The following PAH variants were observed in gnomAD, a reference collection of about 807,000 sequenced individuals.
PAH encodes the protein phenylalanine-4-hydroxylase.
Under a neutral mutation model 62.0 loss-of-function variants are expected in PAH, and 64 were observed. That is an observed-to-expected ratio of 1.03 (90% CI 0.84 to 1.27). The LOEUF (loss-of-function observed/expected upper bound fraction) is 1.27. Ranked by LOEUF, PAH falls within the 50% of genes most tolerant of loss-of-function variation. PAH has a pLI of 0.00. For synonymous variants in PAH, 195 were observed against 196.2 expected (o/e 0.99, Z 0.05); for missense variants, 579 against 542.8 (o/e 1.07, Z -0.66).
chr12:102,849,280 T>C (rs982443741), intron 8 of PAH, among the ~76,000 whole-genome samples: 2 of 152,132 alleles, frequency 1.3e-5, no homozygotes, highest in African/African-American at 2.4e-5. Context: ...GAACTGATAA[T>C]AGAAAAAGCT....
intron 4 of PAH, among the ~76,000 whole-genome samples, chr12:102,873,383 G>T (rs1876436718): frequency 6.6e-6 from 1 of 152,188 alleles, no homozygotes; most frequent in South Asian, 2.1e-4. Context: ...TGGGCTCCAA[G>T]GAGTTGAAGG....
At chr12:102,903,585 G>T (rs977110237) in intron 2 of PAH, among the ~76,000 whole-genome samples, 3 of 152,138 alleles carry the variant, frequency 2.0e-5, no homozygotes, top group African/African-American at 7.2e-5. Flanking sequence ...CCCCTAGGCA[G>T]GAGTAGGGCA....
At chr12:102,877,000 GCCATAAGCCCTCTCCGT>G (rs1391379854) in intron 4 of PAH, among the ~76,000 whole-genome samples, 1 of 152,010 alleles carries the variant, frequency 6.6e-6, no homozygotes, top group Non-Finnish European at 1.5e-5. Flanking sequence ...TGTTCTTTCA[GCCATAAGCCCTCTCCGT>G]TCCTTATCTG....
At chr12:102,839,319 G>C in intron 12 of PAH, 101 bp from the exon 13 acceptor site, 1 of 1,140,840 alleles carries the variant, frequency 8.8e-7, no homozygotes, top group Admixed American at 1.7e-5. Flanking sequence ...GGGCTTCTTG[G>C]ATGAGCTGGG....
rs1801153 is a variant in PAH at position 102,838,988 on chromosome 12, C to T, written c.*187G>A. ...ACCCCAAAAGATTTACCATTATGCTCTTGAGTATGTACTCATATCCTGTCA... is the reference window on the plus strand; with the variant it reads ...ACCCCAAAAGATTTACCATTATGCTTTTGAGTATGTACTCATATCCTGTCA... On this transcript the variant is annotated 3_prime_UTR_variant, in exon 13 of 13. Transcript: ENST00000553106. 0.23 allele frequency: 141,597 copies of T among 617,870 alleles called. 21,634 individuals carry two copies. The highest frequency in any genetic ancestry group is 0.58 in the African/African-American group (31,545 of 54,300). The allele number at this position is 617,870 out of a possible 1,614,324, so 38.3% of individuals were successfully genotyped here. A position where few individuals can be genotyped will look rare whatever the true frequency, so the allele number is the denominator to read the frequency against.
chr12:102,860,295 G>T (rs1161011166), intron 5 of PAH, among the ~76,000 whole-genome samples: 1 of 152,206 alleles, frequency 6.6e-6, no homozygotes, highest in Non-Finnish European at 1.5e-5. Flanking sequence ...CCTCTTCAAG[G>T]AGAACTTGTA....
chr12:102,948,154 T>C (rs893981770), intron 1 of PAH, among the ~76,000 whole-genome samples: 25 of 152,164 alleles, frequency 1.6e-4, no homozygotes, highest in African/African-American at 6.0e-4. Context: ...GGTCAGAGAG[T>C]GTATCAGCCT....
chr12:102,955,043 A>G (rs1179304328), upstream of PAH, among the ~76,000 whole-genome samples: 1 of 152,196 alleles, frequency 6.6e-6, no homozygotes, highest in Non-Finnish European at 1.5e-5. Flanking sequence ...GGGAGAATAG[A>G]GACAAATGTT....
intron 1 of PAH, among the ~76,000 whole-genome samples, chr12:102,925,174 G>A (rs910749169): frequency 5.9e-5 from 9 of 152,176 alleles, no homozygotes; most frequent in African/African-American, 2.2e-4. Flanking sequence ...AGGAGAAGTA[G>A]TCTGTGCAAT....
At chr12:102,908,837 CTTTTTTT>C (rs3062641) in intron 2 of PAH, among the ~76,000 whole-genome samples, 167 of 120,002 alleles carry the variant, frequency 1.4e-3, no homozygotes, top group African/African-American at 5.1e-3. Flanking sequence ...CCTCATGTCT[CTTTTTTT>C]TTTTTTTTTT....
intron 8 of PAH, 162 bp from the exon 9 acceptor site, chr12:102,847,113 G>A: frequency 1.5e-6 from 1 of 671,392 alleles, no homozygotes. Context: ...ATATGTTATA[G>A]AATCACAGAT....
chr12:102,873,707 T>A (rs1220289487), intron 4 of PAH, among the ~76,000 whole-genome samples: 1 of 152,214 alleles, frequency 6.6e-6, no homozygotes, highest in African/African-American at 2.4e-5. Context: ...TTATCCCAAC[T>A]GTATTCCATG....
chr12:102,860,040 TC>T (rs1289986735), intron 5 of PAH, among the ~76,000 whole-genome samples: 1 of 152,176 alleles, frequency 6.6e-6, no homozygotes, highest in African/African-American at 2.4e-5. Context: ...AATCAAATTG[TC>T]CCTGTTTGCA....
At chr12:102,896,788 G>GA (rs1177773051) in intron 2 of PAH, among the ~76,000 whole-genome samples, 1 of 152,014 alleles carries the variant, frequency 6.6e-6, no homozygotes, top group Non-Finnish European at 1.5e-5. Context: ...AATCCAACGG[G>GA]AAAAAAAGAG....
intron 2 of PAH, among the ~76,000 whole-genome samples, chr12:102,907,357 T>C (rs987189332): frequency 1.3e-5 from 2 of 152,192 alleles, no homozygotes; most frequent in East Asian, 3.9e-4. Flanking sequence ...AGAAAGATCA[T>C]GGGCTTCGGA....
chr12:102,952,419 G>A (rs917076083), upstream of PAH, among the ~76,000 whole-genome samples: 9 of 152,060 alleles, frequency 5.9e-5, no homozygotes, highest in Non-Finnish European at 8.8e-5. Flanking sequence ...GGAGGAGGTG[G>A]GGAGGAGGAG....
At chr12:102,907,881 G>T (rs759119232) in intron 2 of PAH, among the ~76,000 whole-genome samples, 60 of 152,118 alleles carry the variant, frequency 3.9e-4, no homozygotes, top group Non-Finnish European at 6.9e-4. Flanking sequence ...GCCTTCCAAA[G>T]TGCTGGGACT....
upstream of PAH, among the ~76,000 whole-genome samples, chr12:102,954,879 AAGTGGAGATGAC>A (rs1301539161): frequency 2.0e-5 from 3 of 152,232 alleles, no homozygotes; most frequent in Non-Finnish European, 2.9e-5. Flanking sequence ...TTGGAGGAGA[AAGTGGAGATGAC>A]AGTGTTGAGG....
chr12:102,881,105 C>T (rs1876795254), intron 3 of PAH, among the ~76,000 whole-genome samples: 1 of 151,028 alleles, frequency 6.6e-6, no homozygotes, highest in Non-Finnish European at 1.5e-5. Context: ...CCTACGCCTC[C>T]CGGGTTCAAG....
Sources: gnomAD v4.1 joint callset for allele counts (sites outside exome capture counted in the v4.1 genomes callset) on GRCh38, gnomAD v4.1.1 for gene constraint, MANE v1.5 for transcripts, NCBI Gene and HGNC (gene_info 2026-07-23, HGNC 2026-07-21) for gene names.